Variants in ESRRG observed in about 807,000 individuals in gnomAD.
ESRRG encodes the protein estrogen-related receptor gamma.
In ESRRG, 13 loss-of-function variants were observed where a neutral mutation model predicts 44.0. That is an observed-to-expected ratio of 0.30 (90% CI 0.19 to 0.47). The LOEUF is 0.47. ESRRG is among the 20% of genes least tolerant of loss of function. The probability of loss-of-function intolerance (pLI) is 1.00; values close to 1 mark genes in which losing one functional copy is unlikely to be tolerated. For missense variants in ESRRG, 395 were observed against 580.6 expected, an observed-to-expected ratio of 0.68 and a Z score of 3.29; for synonymous variants, 215 against 214.6, an observed-to-expected ratio of 1.00 and a Z score of -0.02.
rs1199685675 is a variant in ESRRG, at chr1:216,671,520, AC to A, written c.472+5555del. The stretch of plus-strand genomic sequence containing the variant: ...TATCCCAGTCATATTCCCAATATCA[AC>A]CAAAGTTAATAATTTAGTGTACATT... On this transcript the variant is annotated intron_variant, in intron 2 of 6. Coordinates refer to ENST00000408911, the MANE Select transcript of ESRRG (RefSeq NM_001438.4). Among the ~76,000 whole-genome samples, 8 of 152,184 alleles carry A rather than the reference AC, an allele frequency of 5.3e-5. No homozygotes were observed. In the East Asian group the frequency reaches 1.5e-3, roughly 29 times the overall value.
intron 2 of ESRRG, among the ~76,000 whole-genome samples, chr1:216,922,744 T>C (rs922025854): frequency 9.2e-5 from 14 of 152,304 alleles, no homozygotes; most frequent in African/African-American, 3.4e-4. Context: ...CACTTTCTAA[T>C]GAACCACAAC....
At position 216,519,253 on chromosome 1, in the gene ESRRG, T is replaced by C. The variant is rs374379737; in HGVS notation, c.1031A>G (p.Asp344Gly). ...CAGCTGCAGGATAGCATTATTTAGATCAAGAAGGCCTGCTAATTTGGACTG... is the reference window on the plus strand; with the variant it reads ...CAGCTGCAGGATAGCATTATTTAGACCAAGAAGGCCTGCTAATTTGGACTG... ...EDQSKLAGLL[D>G]LNNAILQLVK... The change falls in exon 6 of 7, where the codon GAT becomes GGT. Residue 344 changes from aspartate to glycine, a missense_variant. Transcript: ENST00000408911. 1 of 1,613,824 alleles carries C rather than the reference T, an allele frequency of 6.2e-7. No individual in the cohort carries two copies. The highest frequency in any genetic ancestry group is 8.5e-7 in the Non-Finnish European group (1 of 1,179,810).
intron 5 of ESRRG, 70 bp downstream of exon 5, chr1:216,564,149 C>G: frequency 1.1e-6 from 1 of 949,056 alleles, no homozygotes; most frequent in Non-Finnish European, 1.5e-6. Context: ...TGAATTCACC[C>G]AAATCTATAT....
chr1:216,667,600 C>T (rs1232864724), intron 2 of ESRRG, among the ~76,000 whole-genome samples: 7 of 143,990 alleles, frequency 4.9e-5, no homozygotes, highest in African/African-American at 7.7e-5. Context: ...GCACAAGAAT[C>T]GCTTGAATCC....
chr1:217,096,946 GA>G (rs1374381034), intron 1 of ESRRG, among the ~76,000 whole-genome samples: 2 of 152,112 alleles, frequency 1.3e-5, no homozygotes, highest in Non-Finnish European at 2.9e-5. Flanking sequence ...TTGGAAAATG[GA>G]AAAAAGCTGG....
At chr1:217,068,706 C>T (rs999231794) in intron 1 of ESRRG, among the ~76,000 whole-genome samples, 2 of 151,996 alleles carry the variant, frequency 1.3e-5, no homozygotes, top group Non-Finnish European at 2.9e-5. Flanking sequence ...TTAGTGGAAA[C>T]GATAAGAAAA....
intron 1 of ESRRG, among the ~76,000 whole-genome samples, chr1:217,095,006 G>C (rs1175914668): frequency 6.6e-6 from 1 of 151,620 alleles, no homozygotes; most frequent in Non-Finnish European, 1.5e-5. Flanking sequence ...AACTCTTGAA[G>C]TTGTAGGCAA....
At chr1:216,809,567 T>C (rs2094905821) in intron 2 of ESRRG, among the ~76,000 whole-genome samples, 1 of 152,234 alleles carries the variant, frequency 6.6e-6, no homozygotes, top group Non-Finnish European at 1.5e-5. Flanking sequence ...CAAATCAGTG[T>C]GTTTAGAAAA....
At position 216,880,725 on chromosome 1, in the gene ESRRG, T is replaced by G. The variant is rs1039595032; in HGVS notation, c.-14+58857A>C. Among the ~76,000 whole-genome samples the G allele has an allele frequency of 5.3e-5, 8 of 152,134 alleles. 1 individual carries two copies. Among genetic ancestry groups the G allele is most frequent in the Admixed American group, 5.2e-4 (8 of 15,260 alleles). Reference sequence around the variant, plus strand: ...TATATTGATTTATAATCTGTAACAGTAAAACACTAAATATGGCAGGAAAGT... The same window carrying G: ...TATATTGATTTATAATCTGTAACAGGAAAACACTAAATATGGCAGGAAAGT... On this transcript the variant is annotated intron_variant, in intron 2 of 7. Transcript: ENST00000359162.
At chr1:217,059,001 TAA>T (rs1300858395) in intron 1 of ESRRG, among the ~76,000 whole-genome samples, 1 of 148,244 alleles carries the variant, frequency 6.7e-6, no homozygotes, top group Non-Finnish European at 1.5e-5. Flanking sequence ...TATAAAATAA[TAA>T]AAATATATGA....
intron 1 of ESRRG, among the ~76,000 whole-genome samples, chr1:216,700,099 T>C (rs1261037416): frequency 6.8e-6 from 1 of 147,056 alleles, no homozygotes; most frequent in African/African-American, 2.5e-5. Context: ...CCGCTGCTTC[T>C]ATTATACTCC....
intron 2 of ESRRG, among the ~76,000 whole-genome samples, chr1:216,853,098 A>G (rs748784725): frequency 1.3e-5 from 2 of 152,226 alleles, no homozygotes; most frequent in African/African-American, 4.8e-5. Context: ...ACAAACACAT[A>G]TCAAAAATGT....
At chr1:216,731,027 C>CT (rs2088664951) in intron 2 of ESRRG, among the ~76,000 whole-genome samples, 1 of 152,150 alleles carries the variant, frequency 6.6e-6, no homozygotes, top group Admixed American at 6.5e-5. Context: ...GCAAACAAAG[C>CT]TGCCATATCA....
intron 1 of ESRRG, among the ~76,000 whole-genome samples, chr1:217,134,290 A>G (rs981582665): frequency 6.6e-6 from 1 of 152,052 alleles, no homozygotes; most frequent in Non-Finnish European, 1.5e-5. Context: ...TCTCCCTGCT[A>G]ATCTATCCGC....
intron 2 of ESRRG, among the ~76,000 whole-genome samples, chr1:216,925,471 T>A (rs1187123484): frequency 1.3e-5 from 2 of 152,178 alleles, no homozygotes; most frequent in Admixed American, 6.5e-5. Flanking sequence ...GACAAACATG[T>A]TGAGACAAGC....
chr1:216,601,116 C>T (rs929380522), intron 3 of ESRRG, among the ~76,000 whole-genome samples: 1 of 152,152 alleles, frequency 6.6e-6, no homozygotes, highest in African/African-American at 2.4e-5. Context: ...GCAAGGCCGG[C>T]TTGGAACGCG....
intron 1 of ESRRG, among the ~76,000 whole-genome samples, chr1:217,086,613 C>A (rs575351910): frequency 6.6e-6 from 1 of 152,072 alleles, no homozygotes; most frequent in African/African-American, 2.4e-5. Context: ...ATAAAAATAC[C>A]GTGTAAAAAT....
chr1:216,956,069 T>C lies in ESRRG; in HGVS notation c.-105-16396A>G, dbSNP rs1055545016. 6.6e-5 allele frequency among the ~76,000 whole-genome samples: 10 copies of C among 152,270 alleles called. No homozygotes were observed. In the East Asian group the frequency reaches 1.7e-3, roughly 26 times the overall value. On this transcript the variant is annotated intron_variant, in intron 1 of 7. Transcript: ENST00000359162. ...GTTTCTTCAGTTTAATATCTACTTT[T>C]TGGTTGCTGTCTGTGTTTTTACAGT...
At chr1:217,034,435 G>A (rs1200335877) in intron 1 of ESRRG, among the ~76,000 whole-genome samples, 1 of 152,116 alleles carries the variant, frequency 6.6e-6, no homozygotes, top group Non-Finnish European at 1.5e-5. Context: ...CCGATGGTCT[G>A]TCTGAAATGC....
Sources: allele counts gnomAD v4.1 joint callset (sites outside exome capture counted in the v4.1 genomes callset), GRCh38; gene constraint gnomAD v4.1.1; transcripts MANE v1.5; gene names NCBI Gene and HGNC (gene_info 2026-07-23, HGNC 2026-07-21).